The following CDH18 variants were observed in gnomAD, a reference collection of about 807,000 sequenced individuals.
The protein encoded by CDH18 is cadherin-18.
In CDH18, 31 loss-of-function variants were observed where a neutral mutation model predicts 67.9. That is an observed-to-expected ratio of 0.46 (90% CI 0.34 to 0.62). The LOEUF (loss-of-function observed/expected upper bound fraction) is 0.62. CDH18 is among the 20% of genes least tolerant of loss of function. The probability of loss-of-function intolerance (pLI) is 0.01; values close to 1 mark genes in which losing one functional copy is unlikely to be tolerated. For synonymous variants in CDH18, 362 were observed against 347.2 expected (o/e 1.04, Z -0.48); for missense variants, 890 against 975.5 (o/e 0.91, Z 1.17).
At position 19,979,221 on chromosome 5, in the gene CDH18, TG is replaced by T. The variant is rs774645365; in HGVS notation, c.-257+1838del. Among the ~76,000 whole-genome samples, 426 of 150,760 alleles carry T rather than the reference TG, an allele frequency of 2.8e-3. 2 individuals carry two copies. Among genetic ancestry groups the T allele is most frequent in the Middle Eastern group, 0.01 (3 of 290 alleles). ...TGATTGTTGGTGGGGATGGAGTGTGTGTGTGTGTGTGTGTGTGTGTGTGTGT... is the reference window on the plus strand; with the variant it reads ...TGATTGTTGGTGGGGATGGAGTGTGTTGTGTGTGTGTGTGTGTGTGTGTGT... On this transcript the variant is annotated intron_variant, in intron 2 of 12. Transcript: ENST00000382275.
chr5:20,350,577 G>A (rs1330431829), intron 1 of CDH18, among the ~76,000 whole-genome samples: 1 of 152,028 alleles, frequency 6.6e-6, no homozygotes, highest in Non-Finnish European at 1.5e-5. Flanking sequence ...TAGATTAATT[G>A]TCTTGTGCAG....
intron 9 of CDH18, among the ~76,000 whole-genome samples, chr5:19,523,344 A>C (rs544315965): frequency 1.2e-3 from 189 of 152,288 alleles, no homozygotes; most frequent in African/African-American, 4.4e-3. Context: ...ATTTGATTGC[A>C]CTAAAACATG....
chr5:20,035,267 T>C (rs1739749848), intron 2 of CDH18, among the ~76,000 whole-genome samples: 1 of 152,032 alleles, frequency 6.6e-6, no homozygotes, highest in East Asian at 1.9e-4. Context: ...TCCAGGCCTG[T>C]CCATGCAATT....
At chr5:19,611,335 G>A (rs1040704831) in intron 6 of CDH18, among the ~76,000 whole-genome samples, 1 of 152,018 alleles carries the variant, frequency 6.6e-6, no homozygotes, top group Admixed American at 6.6e-5. Context: ...CTGTGCAAGA[G>A]GGAAAAAAGA....
chr5:19,949,968 A>C (rs1456726583), intron 2 of CDH18, among the ~76,000 whole-genome samples: 7 of 97,630 alleles, frequency 7.2e-5, no homozygotes, highest in Non-Finnish European at 1.6e-4. Flanking sequence ...AATAAAGAAA[A>C]TATGATATAT....
intron 1 of CDH18, among the ~76,000 whole-genome samples, chr5:20,279,118 G>C (rs1746027743): frequency 6.6e-6 from 1 of 151,816 alleles, no homozygotes; most frequent in Non-Finnish European, 1.5e-5. Flanking sequence ...TGGCAGAATG[G>C]ATAAGAAATG....
At chr5:19,599,271 GTTGATATAATGAAGAAA>G (rs1485744172) in intron 6 of CDH18, among the ~76,000 whole-genome samples, 8 of 151,982 alleles carry the variant, frequency 5.3e-5, no homozygotes, top group African/African-American at 1.9e-4. Context: ...CATGAATCTA[GTTGATATAATGAAGAAA>G]TTGATGTAAA....
chr5:20,241,883 T>C (rs1742942313), intron 2 of CDH18, among the ~76,000 whole-genome samples: 1 of 75,656 alleles, frequency 1.3e-5, no homozygotes, highest in Non-Finnish European at 2.5e-5. Context: ...AAATAAAATA[T>C]ATATATATGT....
chr5:20,374,818 G>A lies in CDH18; in HGVS notation c.-579-119313C>T, dbSNP rs1580855700. Among the ~76,000 whole-genome samples, 9 of 152,140 alleles carry A rather than the reference G, an allele frequency of 5.9e-5. No homozygotes were observed. The South Asian group carries it at 1.9e-3, about 32-fold the overall frequency. On this transcript the variant is annotated intron_variant, in intron 1 of 14. Coordinates refer to the CDH18 transcript ENST00000507958. The stretch of plus-strand genomic sequence containing the variant: ...AAATATATCCAAAGCAAAACTGATG[G>A]CAATGTGTTAAACTGAGATAAGAAT...
intron 2 of CDH18, among the ~76,000 whole-genome samples, chr5:20,243,225 G>A (rs1471948673): frequency 6.6e-6 from 1 of 152,110 alleles, no homozygotes; most frequent in African/African-American, 2.4e-5. Flanking sequence ...GGCTGTGCCT[G>A]GAAGAGGACA....
At chr5:19,481,357 A>T (rs1484210984) in intron 12 of CDH18, among the ~76,000 whole-genome samples, 1 of 152,160 alleles carries the variant, frequency 6.6e-6, no homozygotes, top group Non-Finnish European at 1.5e-5. Flanking sequence ...AGGTATCTAC[A>T]TTATCAAAGA....
At chr5:20,155,610 G>T (rs1751463472) in intron 2 of CDH18, among the ~76,000 whole-genome samples, 1 of 151,944 alleles carries the variant, frequency 6.6e-6, no homozygotes, top group Non-Finnish European at 1.5e-5. Context: ...TGTTTTTGTT[G>T]TGTTTCCTTT....
chr5:19,814,446 A>T (rs1359054819), intron 3 of CDH18, among the ~76,000 whole-genome samples: 1 of 152,134 alleles, frequency 6.6e-6, no homozygotes. Context: ...CACTATTGCA[A>T]TTTTGGACTG....
chr5:19,793,989 G>A (rs1776614050), intron 3 of CDH18, among the ~76,000 whole-genome samples: 1 of 152,016 alleles, frequency 6.6e-6, no homozygotes, highest in Non-Finnish European at 1.5e-5. Flanking sequence ...AGTGGCTTAA[G>A]TTGAAATACC....
At chr5:20,083,848 G>A (rs1443930019) in intron 2 of CDH18, among the ~76,000 whole-genome samples, 7 of 152,048 alleles carry the variant, frequency 4.6e-5, no homozygotes, top group Non-Finnish European at 8.8e-5. Flanking sequence ...TCACTATCAC[G>A]AGAACAGCAT....
chr5:20,468,782 CATTG>C (rs538652738), intron 1 of CDH18, among the ~76,000 whole-genome samples: 33 of 152,182 alleles, frequency 2.2e-4, no homozygotes, highest in African/African-American at 7.7e-4. Flanking sequence ...ATAGCAAAAC[CATTG>C]ATTGAACGGT....
intron 2 of CDH18, among the ~76,000 whole-genome samples, chr5:19,942,261 A>G (rs1794901849): frequency 6.6e-6 from 1 of 152,132 alleles, no homozygotes; most frequent in Non-Finnish European, 1.5e-5. Context: ...GCACTAAGGC[A>G]CATATGATTT....
At chr5:20,026,520 G>A (rs887353939) in intron 2 of CDH18, among the ~76,000 whole-genome samples, 12 of 151,942 alleles carry the variant, frequency 7.9e-5, no homozygotes, top group Non-Finnish European at 1.2e-4. Flanking sequence ...CTAATTTCCC[G>A]CCATATAGCA....
intron 8 of CDH18, among the ~76,000 whole-genome samples, chr5:19,551,811 C>T (rs186191543): frequency 1.7e-3 from 256 of 152,208 alleles, no homozygotes; most frequent in African/African-American, 6.0e-3. Context: ...ATATAAATAG[C>T]CAGAACTTCA....
Sources: gnomAD v4.1 joint callset for allele counts (sites outside exome capture counted in the v4.1 genomes callset) on GRCh38, gnomAD v4.1.1 for gene constraint, MANE v1.5 for transcripts, NCBI Gene and HGNC (gene_info 2026-07-23, HGNC 2026-07-21) for gene names.